The following BRINP3 variants were observed in gnomAD, a reference collection of about 807,000 sequenced individuals.
The protein encoded by BRINP3 is BMP/retinoic acid inducible neural specific 3.
In BRINP3, 19 loss-of-function variants were observed where a neutral mutation model predicts 71.0. The ratio of observed to expected loss-of-function variants is 0.27; its 90% confidence interval spans 0.19 to 0.39. The LOEUF is 0.39. BRINP3 is among the 10% of genes least tolerant of loss of function. The pLI, the probability that BRINP3 is intolerant of heterozygous loss-of-function variation, is 1.00. For missense variants in BRINP3, 959 were observed against 940.8 expected (o/e 1.02, Z -0.25); for synonymous variants, 380 against 337.7 (o/e 1.13, Z -1.37).
At position 190,118,131 on chromosome 1, in the gene BRINP3, T is replaced by TACAC. The variant is rs3078073; in HGVS notation, c.1185-19001_1185-18998dup. Among the ~76,000 whole-genome samples the TACAC allele has an allele frequency of 1.2e-3, 179 of 150,240 alleles. 1 individual carries two copies. Among genetic ancestry groups the TACAC allele is most frequent in the South Asian group, 4.4e-3 (21 of 4,756 alleles). On this transcript the variant is annotated intron_variant, in intron 7 of 7. Coordinates refer to ENST00000367462, the MANE Select transcript of BRINP3 (RefSeq NM_199051.3). ...AAATTAATATTCTGTTCCCAAATCA[T>TACAC]ACACACACACACACACAATATAAAC...
In BRINP3 at chr1:190,097,855, A is replaced by G. The variant is rs1053081; in HGVS notation, c.*163T>C. The G allele has an allele frequency of 9.7e-3, 7,224 of 742,570 alleles. 51 individuals are homozygous for G. Among genetic ancestry groups the G allele is most frequent in the Middle Eastern group, 0.016 (42 of 2,556 alleles). 46.0% of individuals were successfully genotyped at this position (742,570 alleles called of 1,614,324 possible). On this transcript the variant is annotated 3_prime_UTR_variant, in exon 8 of 8. Coordinates refer to ENST00000367462, the MANE Select transcript of BRINP3 (RefSeq NM_199051.3). ...ACCAAAACTGCTGTATAATATATTC[A>G]TTGTCAGCAAGTTCATGTGTGTAAA...
At chr1:190,134,847 G>A (rs1166332147) in intron 7 of BRINP3, among the ~76,000 whole-genome samples, 1 of 152,078 alleles carries the variant, frequency 6.6e-6, no homozygotes, top group African/African-American at 2.4e-5. Context: ...ATCCTACAGA[G>A]CTGGAACATG....
chr1:190,204,946 T>C (rs1460496416), intron 6 of BRINP3, among the ~76,000 whole-genome samples: 1 of 151,578 alleles, frequency 6.6e-6, no homozygotes, highest in African/African-American at 2.4e-5. Context: ...AAGAATAAAT[T>C]TCCTCTCTAT....
intron 7 of BRINP3, among the ~76,000 whole-genome samples, chr1:190,158,448 A>C (rs577688117): frequency 1.3e-5 from 2 of 152,222 alleles, no homozygotes; most frequent in South Asian, 4.1e-4. Context: ...TAAAGTAGAC[A>C]CTAGAGACTA....
intron 4 of BRINP3, among the ~76,000 whole-genome samples, chr1:190,262,683 C>A (rs1354588338): frequency 6.6e-6 from 1 of 152,146 alleles, no homozygotes; most frequent in Non-Finnish European, 1.5e-5. Context: ...CAAGGTGAGA[C>A]TGTTGACTCC....
At chr1:190,362,553 C>A (rs1204029560) in intron 2 of BRINP3, among the ~76,000 whole-genome samples, 1 of 152,098 alleles carries the variant, frequency 6.6e-6, no homozygotes, top group Non-Finnish European at 1.5e-5. Context: ...TCTAAGATGG[C>A]CTCTAATGTG....
chr1:190,474,031 A>G (rs546952241), intron 1 of BRINP3, among the ~76,000 whole-genome samples: 1 of 152,258 alleles, frequency 6.6e-6, no homozygotes, highest in East Asian at 1.9e-4. Flanking sequence ...TCCTTTATAT[A>G]TTAAGGTCTG....
At chr1:190,106,858 T>C (rs1652216603) in intron 7 of BRINP3, among the ~76,000 whole-genome samples, 3 of 151,876 alleles carry the variant, frequency 2.0e-5, no homozygotes, top group African/African-American at 7.2e-5. Flanking sequence ...TATATTTTTC[T>C]TGTTGAACAT....
intron 2 of BRINP3, among the ~76,000 whole-genome samples, chr1:190,299,000 A>G (rs781197530): frequency 2.6e-5 from 4 of 152,144 alleles, no homozygotes; most frequent in African/African-American, 4.8e-5. Flanking sequence ...TGGTGCATGC[A>G]CATTTAAGGC....
intron 2 of BRINP3, among the ~76,000 whole-genome samples, chr1:190,315,890 A>G (rs933720683): frequency 1.3e-5 from 2 of 152,138 alleles, no homozygotes; most frequent in African/African-American, 4.8e-5. Context: ...ACACACAGGC[A>G]AACAATACTT....
At chr1:190,409,378 T>C (rs901039843) in intron 2 of BRINP3, among the ~76,000 whole-genome samples, 1 of 152,172 alleles carries the variant, frequency 6.6e-6, no homozygotes, top group African/African-American at 2.4e-5. Context: ...ACAGCATAGT[T>C]TAGAAAAACA....
At chr1:190,375,973 C>A (rs1407477431) in intron 2 of BRINP3, among the ~76,000 whole-genome samples, 1 of 151,914 alleles carries the variant, frequency 6.6e-6, no homozygotes, top group South Asian at 2.1e-4. Context: ...AATCATCAGG[C>A]ATATATATTA....
At chr1:190,376,825 A>G (rs539440464) in intron 2 of BRINP3, among the ~76,000 whole-genome samples, 6 of 152,116 alleles carry the variant, frequency 3.9e-5, no homozygotes, top group African/African-American at 1.4e-4. Flanking sequence ...TTATCTTTTT[A>G]AAGGTTAATG....
At chr1:190,157,009 C>T (rs985853109) in intron 7 of BRINP3, among the ~76,000 whole-genome samples, 1 of 151,874 alleles carries the variant, frequency 6.6e-6, no homozygotes, top group Non-Finnish European at 1.5e-5. Context: ...ACTCTAGTAT[C>T]TGCTCAATTG....
At chr1:190,366,318 G>T (rs1333597159) in intron 2 of BRINP3, among the ~76,000 whole-genome samples, 1 of 152,080 alleles carries the variant, frequency 6.6e-6, no homozygotes, top group East Asian at 1.9e-4. Context: ...TGAGCAAAGG[G>T]GGAAAAGCCC....
intron 1 of BRINP3, among the ~76,000 whole-genome samples, chr1:190,458,347 C>T (rs1442684721): frequency 6.6e-6 from 1 of 151,990 alleles, no homozygotes; most frequent in Non-Finnish European, 1.5e-5. Context: ...TAAAGTTATA[C>T]TGAAATAGTG....
chr1:190,407,687 T>A lies in BRINP3; in HGVS notation c.236+46968A>T, dbSNP rs114926040. ...ACATTAACTTAACCTCTTAATAATGTATGTAATGTTTTAAATTTTATGCCT... is the reference window on the plus strand; with the variant it reads ...ACATTAACTTAACCTCTTAATAATGAATGTAATGTTTTAAATTTTATGCCT... On this transcript the variant is annotated intron_variant, in intron 2 of 7. Transcript: ENST00000367462. Among the ~76,000 whole-genome samples, 1,312 of 152,314 alleles carry A rather than the reference T, an allele frequency of 8.6e-3. 12 individuals are homozygous for A. Among genetic ancestry groups the A allele is most frequent in the African/African-American group, 0.029 (1,200 of 41,578 alleles).
chr1:190,430,573 G>A (rs551320401), intron 2 of BRINP3, among the ~76,000 whole-genome samples: 14 of 152,250 alleles, frequency 9.2e-5, no homozygotes, highest in African/African-American at 3.1e-4. Flanking sequence ...TGTAGGAAGA[G>A]GGAAGAAGTC....
intron 7 of BRINP3, among the ~76,000 whole-genome samples, chr1:190,148,614 A>G: frequency 6.9e-6 from 1 of 144,456 alleles, no homozygotes; most frequent in South Asian, 2.2e-4. Context: ...TAAATAAATA[A>G]ATAAATAAAT....
Sources: gnomAD v4.1 joint callset for allele counts (sites outside exome capture counted in the v4.1 genomes callset) on GRCh38, gnomAD v4.1.1 for gene constraint, MANE v1.5 for transcripts, NCBI Gene and HGNC (gene_info 2026-07-23, HGNC 2026-07-21) for gene names.